The following MEGF10 variants were observed in gnomAD, a reference collection of about 807,000 sequenced individuals.
The protein encoded by MEGF10 is multiple epidermal growth factor-like domains protein 10.
In MEGF10, 86 loss-of-function variants were observed where a neutral mutation model predicts 147.5. The ratio of observed to expected loss-of-function variants is 0.58; its 90% CI spans 0.49 to 0.70. MEGF10 has a LOEUF of 0.70. MEGF10 is among the 30% of genes least tolerant of loss of function. The pLI, the probability that MEGF10 is intolerant of heterozygous loss-of-function variation, is 0.00. For synonymous variants in MEGF10, 478 were observed against 525.5 expected, an observed-to-expected ratio of 0.91 and a Z score of 1.24; for missense variants, 1,329 against 1,487.3, an observed-to-expected ratio of 0.89 and a Z score of 1.75.
chr5:127,247,153 G>A, the MEGF10 span, among the ~76,000 whole-genome samples: 1 of 143,532 alleles, frequency 7.0e-6, no homozygotes, highest in South Asian at 2.1e-4. Context: ...TCTTAACATT[G>A]ATGGAGAATA....
chr5:127,247,321 AAG>A, the MEGF10 span, among the ~76,000 whole-genome samples: 27 of 4,034 alleles, frequency 6.7e-3, no homozygotes, highest in East Asian at 0.096. Context: ...AAAGAGAGAG[AAG>A]AAGAAGAAGA....
chr5:127,317,850 T>C (rs952808773), intron 1 of MEGF10, among the ~76,000 whole-genome samples: 3 of 152,058 alleles, frequency 2.0e-5, no homozygotes, highest in Non-Finnish European at 4.4e-5. Context: ...TGTATACATA[T>C]GTAACAAACT....
chr5:127,392,641 TA>T (rs1763746896), intron 5 of MEGF10, among the ~76,000 whole-genome samples: 1 of 152,164 alleles, frequency 6.6e-6, no homozygotes, highest in East Asian at 1.9e-4. Flanking sequence ...GACAGGTACT[TA>T]AAAAATATCA....
intron 1 of MEGF10, among the ~76,000 whole-genome samples, chr5:127,316,854 G>A (rs577064332): frequency 6.6e-6 from 1 of 152,266 alleles, no homozygotes; most frequent in African/African-American, 2.4e-5. Flanking sequence ...GGGTGTTACA[G>A]GAGCAAAGAA....
the MEGF10 span, among the ~76,000 whole-genome samples, chr5:127,258,731 T>C: frequency 6.6e-6 from 1 of 152,176 alleles, no homozygotes; most frequent in Non-Finnish European, 1.5e-5. Flanking sequence ...TTGCTCTCTC[T>C]TGCTCTCTCC....
the MEGF10 span, among the ~76,000 whole-genome samples, chr5:127,239,282 G>T: frequency 6.6e-6 from 1 of 151,102 alleles, no homozygotes; most frequent in Non-Finnish European, 1.5e-5. Context: ...TTTGAATTTG[G>T]ACTGTAAATT....
At chr5:127,319,216 C>T (rs1008737364) in intron 1 of MEGF10, among the ~76,000 whole-genome samples, 18 of 152,046 alleles carry the variant, frequency 1.2e-4, no homozygotes, top group Non-Finnish European at 2.2e-4. Flanking sequence ...GCTGGGATTA[C>T]AGGCATCTGC....
rs1404053106 is a variant in MEGF10 at position 127,433,352 on chromosome 5, C to T, written c.1694-11C>T. ...CTCTCACTCAGCCTTGCCCCATGTG[C>T]ATTATTTCAGGTGTCCACTGTGACA... On this transcript the variant is annotated splice_polypyrimidine_tract_variant and intron_variant, in intron 13 of 24. Transcript: ENST00000503335. The T allele has an allele frequency of 6.2e-7, 1 of 1,614,060 alleles. No homozygotes were observed. The highest frequency in any genetic ancestry group is 8.5e-7 in the Non-Finnish European group (1 of 1,180,026).
chr5:127,366,771 A>G (rs1267666070), intron 4 of MEGF10, among the ~76,000 whole-genome samples: 1 of 152,354 alleles, frequency 6.6e-6, no homozygotes, highest in South Asian at 2.1e-4. Context: ...AGTTTGCACT[A>G]TCAGGAATCA....
At chr5:127,364,322 T>C (rs546075749) in intron 4 of MEGF10, among the ~76,000 whole-genome samples, 1 of 152,312 alleles carries the variant, frequency 6.6e-6, no homozygotes, top group East Asian at 1.9e-4. Context: ...TGTCTATCCA[T>C]ATGGAATTGT....
At chr5:127,352,986 C>T (rs1346590529) in intron 4 of MEGF10, among the ~76,000 whole-genome samples, 1 of 152,216 alleles carries the variant, frequency 6.6e-6, no homozygotes, top group African/African-American at 2.4e-5. Flanking sequence ...CTCATTCTCT[C>T]CTCACCCCAT....
At chr5:127,358,726 A>G (rs960366593) in intron 4 of MEGF10, among the ~76,000 whole-genome samples, 2 of 152,192 alleles carry the variant, frequency 1.3e-5, no homozygotes, top group African/African-American at 2.4e-5. Context: ...CTCAAATTGA[A>G]TCAATTTGCA....
intron 7 of MEGF10, 110 bp downstream of exon 7, chr5:127,398,906 G>T (rs960529058): frequency 1.1e-5 from 16 of 1,457,822 alleles, no homozygotes; most frequent in Non-Finnish European, 1.3e-5. Context: ...TACCATGATG[G>T]TTGAAGATTC....
chr5:127,310,038 C>CA (rs1760217510), intron 1 of MEGF10, among the ~76,000 whole-genome samples: 1 of 44,452 alleles, frequency 2.2e-5, no homozygotes, highest in Non-Finnish European at 6.1e-5. Context: ...TTCTTTCCTT[C>CA]TTTCTTTATT....
chr5:127,341,677 T>A (rs1208940460), intron 4 of MEGF10, among the ~76,000 whole-genome samples: 1 of 152,076 alleles, frequency 6.6e-6, no homozygotes, highest in Non-Finnish European at 1.5e-5. Flanking sequence ...TAATAATACA[T>A]GTTCATAGAA....
At chr5:127,389,540 A>T (rs1420688486) in intron 5 of MEGF10, among the ~76,000 whole-genome samples, 1 of 152,252 alleles carries the variant, frequency 6.6e-6, no homozygotes, top group East Asian at 1.9e-4. Flanking sequence ...TCAATGGCAG[A>T]TTGGATAAAG....
chr5:127,351,385 A>G (rs1762081039), intron 4 of MEGF10, among the ~76,000 whole-genome samples: 1 of 152,130 alleles, frequency 6.6e-6, no homozygotes, highest in African/African-American at 2.4e-5. Flanking sequence ...CATTTGTATT[A>G]TATTGTAGAC....
chr5:127,352,896 A>G (rs1453361565), intron 4 of MEGF10, among the ~76,000 whole-genome samples: 2 of 152,208 alleles, frequency 1.3e-5, no homozygotes, highest in African/African-American at 4.8e-5. Flanking sequence ...CAGAGAGGTC[A>G]GTTCCCATGG....
At chr5:127,364,326 G>A (rs1314811043) in intron 4 of MEGF10, among the ~76,000 whole-genome samples, 1 of 152,178 alleles carries the variant, frequency 6.6e-6, no homozygotes, top group East Asian at 1.9e-4. Flanking sequence ...TATCCATATG[G>A]AATTGTCCAT....
Sources: allele counts gnomAD v4.1 joint callset (sites outside exome capture counted in the v4.1 genomes callset), GRCh38; gene constraint gnomAD v4.1.1; transcripts MANE v1.5; gene names NCBI Gene and HGNC (gene_info 2026-07-23, HGNC 2026-07-21).